The following GTPBP10 variants were observed in gnomAD, a reference collection of about 807,000 sequenced individuals.
The protein encoded by GTPBP10 is GTP binding protein 10.
Under a neutral mutation model 44.8 loss-of-function variants are expected in GTPBP10, and 38 were observed. The ratio of observed to expected loss-of-function variants is 0.85; its 90% CI spans 0.65 to 1.11. GTPBP10 has a LOEUF of 1.11. Ranked by LOEUF, GTPBP10 falls within the 50% of genes most tolerant of loss-of-function variation. The pLI is 0.00. For missense variants in GTPBP10, 462 were observed against 453.7 expected, an observed-to-expected ratio of 1.02 and a Z score of -0.17; for synonymous variants, 152 against 150.6, an observed-to-expected ratio of 1.01 and a Z score of -0.07.
chr7:90,347,510 AT>A, intron 1 of GTPBP10: 5 of 511,634 alleles, frequency 9.8e-6, no homozygotes, highest in Non-Finnish European at 1.3e-5. Context: ...TGAAAAAAAA[AT>A]CCCATTTGTT....
In GTPBP10 at chr7:90,377,595, C is replaced by G; in HGVS notation, c.680C>G (p.Thr227Ser). ...GHKFLKHIER[T>S]RQLLFVVDIS... ...AAATTCCTCAAGCATATAGAAAGAA[C>G]TAGACAACTACTTTTTGTTGTAAGT... The change falls in exon 7 of 10, where the codon ACT becomes AGT. Residue 227 changes from threonine to serine, a missense_variant. Thr to Ser is a moderately conservative substitution (Grantham distance 58). Transcript: ENST00000222511. 6.2e-7 allele frequency: 1 copy of G among 1,605,200 alleles called. No homozygotes were observed. The highest frequency in any genetic ancestry group is 8.5e-7 in the Non-Finnish European group (1 of 1,173,702).
Position 90,384,934 on chromosome 7 carries a change from C to A in GTPBP10, c.944C>A (p.Thr315Asn). The change falls in exon 10 of 10, where the codon ACT becomes AAT. Residue 315 changes from threonine (T) to asparagine (N), a missense_variant. Coordinates refer to ENST00000222511, the MANE Select transcript of GTPBP10 (RefSeq NM_033107.4). ...LFEKNMIPER[T>N]VEFQHIIPIS... ...GAAAAAAACATGATTCCAGAGAGGACTGTAGAGTTCCAACATATCATCCCC... is the reference window on the plus strand; with the variant it reads ...GAAAAAAACATGATTCCAGAGAGGAATGTAGAGTTCCAACATATCATCCCC... 1 of 1,611,894 alleles carries A rather than the reference C, an allele frequency of 6.2e-7. No individual in the cohort carries two copies. Among genetic ancestry groups the A allele is most frequent in the Non-Finnish European group, 8.5e-7 (1 of 1,178,384 alleles).
intron 4 of GTPBP10, among the ~76,000 whole-genome samples, chr7:90,364,857 G>A (rs762289635): frequency 6.6e-5 from 10 of 152,222 alleles, no homozygotes; most frequent in East Asian, 5.8e-4. Context: ...CCTCACTGCC[G>A]CCTTGCAGTT....
intron 1 of GTPBP10, among the ~76,000 whole-genome samples, chr7:90,350,966 A>G (rs1465116159): frequency 1.3e-5 from 2 of 152,226 alleles, no homozygotes; most frequent in African/African-American, 2.4e-5. Context: ...AGCGCTGAAC[A>G]TGATGAAAAA....
At position 90,384,906 on chromosome 7, in the gene GTPBP10, T is replaced by C; in HGVS notation, c.916T>C (p.Phe306Leu). Residue 306 changes from phenylalanine to leucine, a missense_variant, in exon 10 of 10, where the codon TTT becomes CTT. Coordinates refer to ENST00000222511, the MANE Select transcript of GTPBP10 (RefSeq NM_033107.4). ...CTTTCTTTTAGATTTTCTGCATTTATTTGAAAAAAACATGATTCCAGAGAG... is the reference window on the plus strand; with the variant it reads ...CTTTCTTTTAGATTTTCTGCATTTACTTGAAAAAAACATGATTCCAGAGAG... The part of the protein sequence containing the change: ...LQNPKDFLHL[F>L]EKNMIPERTV... The C allele has an allele frequency of 6.3e-7, 1 of 1,586,520 alleles. No homozygotes were observed. Among genetic ancestry groups the C allele is most frequent in the Non-Finnish European group, 8.6e-7 (1 of 1,169,052 alleles).
rs1284202407 is a variant in GTPBP10, at chr7:90,374,696, C to T, written c.591+342C>T. On this transcript the variant is annotated intron_variant, in intron 6 of 9. Coordinates refer to ENST00000222511, the MANE Select transcript of GTPBP10 (RefSeq NM_033107.4). ...TAAAGTTCATGGTAATGATTTTATT[C>T]CAACTTTTCTTTTTTTGAGAAAGAA... is the stretch of plus-strand genomic sequence containing the variant. Among the ~76,000 whole-genome samples, 3 of 151,952 alleles carry T rather than the reference C, an allele frequency of 2.0e-5. No individual in the cohort carries two copies. In the East Asian group the frequency reaches 5.8e-4, roughly 29 times the overall value.
chr7:90,365,890 G>A lies in GTPBP10; in HGVS notation c.465-6265G>A, dbSNP rs183348470. Among the ~76,000 whole-genome samples, 306 of 152,356 alleles carry A rather than the reference G, an allele frequency of 2.0e-3. 1 individual carries two copies. Among genetic ancestry groups the A allele is most frequent in the African/African-American group, 6.9e-3 (287 of 41,586 alleles). Reference sequence around the variant, plus strand: ...AGTTTTTCTTATTCCGTATGAGATTGGCTGTGGGTTTGTCATAAATAGCCC... The same window carrying A: ...AGTTTTTCTTATTCCGTATGAGATTAGCTGTGGGTTTGTCATAAATAGCCC... On this transcript the variant is annotated intron_variant, in intron 4 of 9. Transcript: ENST00000222511.
At chr7:90,358,786 G>A (rs1446701309) in intron 4 of GTPBP10, among the ~76,000 whole-genome samples, 4 of 152,144 alleles carry the variant, frequency 2.6e-5, no homozygotes. Context: ...CTTGTGCACA[G>A]CAAAAGAAAG....
At chr7:90,375,696 T>C (rs1209650723) in intron 6 of GTPBP10, among the ~76,000 whole-genome samples, 4 of 152,202 alleles carry the variant, frequency 2.6e-5, no homozygotes, top group East Asian at 1.9e-4. Context: ...CTGTTGTGCA[T>C]GCTGCTTTGT....
rs1204428312 is a variant in GTPBP10, at chr7:90,384,878, G to T, written c.902-14G>T. On this transcript the variant is annotated splice_polypyrimidine_tract_variant and intron_variant, in intron 9 of 9. Transcript: ENST00000222511. ...AACAATGGAAATCAGCTTTGTTTGT[G>T]CTCTTTCTTTTAGATTTTCTGCATT... 1 of 1,581,122 alleles carries T rather than the reference G, an allele frequency of 6.3e-7. No individual in the cohort carries two copies. Among genetic ancestry groups the T allele is most frequent in the African/African-American group, 1.4e-5 (1 of 73,390 alleles).
At chr7:90,381,872 A>G (rs1319267975) in intron 8 of GTPBP10, among the ~76,000 whole-genome samples, 1 of 152,202 alleles carries the variant, frequency 6.6e-6, no homozygotes, top group Non-Finnish European at 1.5e-5. Flanking sequence ...CATGCAGAGA[A>G]ATGAAATTAG....
At chr7:90,363,589 T>C (rs966402536) in intron 4 of GTPBP10, among the ~76,000 whole-genome samples, 1 of 152,226 alleles carries the variant, frequency 6.6e-6, no homozygotes, top group Non-Finnish European at 1.5e-5. Flanking sequence ...ATTTCAACTT[T>C]GGTGAATCTG....
intron 4 of GTPBP10, among the ~76,000 whole-genome samples, chr7:90,361,151 C>T (rs1365816034): frequency 6.6e-6 from 1 of 152,136 alleles, no homozygotes; most frequent in African/African-American, 2.4e-5. Flanking sequence ...ATTGCCCTGG[C>T]CAGAACTTCC....
chr7:90,382,366 C>T (rs1306645354), intron 8 of GTPBP10, among the ~76,000 whole-genome samples: 1 of 152,114 alleles, frequency 6.6e-6, no homozygotes, highest in African/African-American at 2.4e-5. Flanking sequence ...AATGCTCCTA[C>T]CTCAGCCTCC....
In GTPBP10 at chr7:90,383,076, A is replaced by G; in HGVS notation, c.898A>G (p.Lys300Glu). ...ATTGATGAGCCAGCTCCAGAATCCT[A>G]AAGGTAAACCTATTTATTCATTTAA... ...HELMSQLQNP[K>E]DFLHLFEKNM... The change falls in exon 9 of 10, where the codon AAA (lysine) becomes GAA (glutamate). Residue 300 changes from lysine to glutamate, a missense_variant. Coordinates refer to ENST00000222511, the MANE Select transcript of GTPBP10 (RefSeq NM_033107.4). The G allele has an allele frequency of 6.4e-7, 1 of 1,566,710 alleles. No individual in the cohort carries two copies. Among genetic ancestry groups the G allele is most frequent in the Non-Finnish European group, 8.7e-7 (1 of 1,151,634 alleles).
chr7:90,362,834 G>A (rs13230459), intron 4 of GTPBP10, among the ~76,000 whole-genome samples: 1 of 152,144 alleles, frequency 6.6e-6, no homozygotes, highest in Non-Finnish European at 1.5e-5. Flanking sequence ...GTGTGCATAT[G>A]TATTTAGGAT....
rs1796526934 is a variant in GTPBP10 at position 90,386,515 on chromosome 7, AT to A, written c.*1365del. 1 of 151,926 alleles carries A rather than the reference AT, an allele frequency of 6.6e-6. No homozygotes were observed. Among genetic ancestry groups the A allele is most frequent in the South Asian group, 2.1e-4 (1 of 4,808 alleles). 9.4% of individuals were successfully genotyped at this position (151,926 alleles called of 1,614,324 possible). A position where few individuals can be genotyped will look rare whatever the true frequency, so the allele number is the denominator to read the frequency against. On this transcript the variant is annotated 3_prime_UTR_variant, in exon 10 of 10. Transcript: ENST00000222511. ...AATCTATTTAATTTCCCACTTTCTT[AT>A]TTTAGTAAAGAGAGAATAAATAGCA...
At chr7:90,348,672 G>GA (rs577377055) in intron 1 of GTPBP10, among the ~76,000 whole-genome samples, 104 of 152,104 alleles carry the variant, frequency 6.8e-4, no homozygotes, top group African/African-American at 2.4e-3. Flanking sequence ...AAGAGAGGCA[G>GA]ACACACTATG....
At chr7:90,364,729 G>T (rs549600040) in intron 4 of GTPBP10, among the ~76,000 whole-genome samples, 8 of 152,334 alleles carry the variant, frequency 5.3e-5, no homozygotes, top group African/African-American at 1.9e-4. Context: ...TGCCCCCGGA[G>T]GTGGATTCTA....
Sources: gnomAD v4.1 joint callset for allele counts (sites outside exome capture counted in the v4.1 genomes callset) on GRCh38, gnomAD v4.1.1 for gene constraint, MANE v1.5 for transcripts, NCBI Gene and HGNC (gene_info 2026-07-23, HGNC 2026-07-21) for gene names.